Variants in PPP2CA observed in about 807,000 individuals in gnomAD.
PPP2CA encodes the protein serine/threonine-protein phosphatase 2A catalytic subunit alpha isoform.
Under a neutral mutation model 38.8 loss-of-function variants are expected in PPP2CA, and 5 were observed. The ratio of observed to expected loss-of-function variants is 0.13; its 90% CI spans 0.07 to 0.27. The LOEUF is 0.27. PPP2CA is among the 10% of genes least tolerant of loss of function. The pLI is 1.00. For synonymous variants in PPP2CA, 152 were observed against 134.0 expected, an observed-to-expected ratio of 1.13 and a Z score of -0.93; for missense variants, 88 against 389.7, an observed-to-expected ratio of 0.23 and a Z score of 6.52.
At chr5:134,209,686 G>A (rs1226985351) in intron 1 of PPP2CA, among the ~76,000 whole-genome samples, 2 of 152,010 alleles carry the variant, frequency 1.3e-5, no homozygotes, top group Non-Finnish European at 2.9e-5. Context: ...GCTGAGGCAT[G>A]AGAATAGCTT....
intron 1 of PPP2CA, among the ~76,000 whole-genome samples, chr5:134,217,397 T>C (rs1176952707): frequency 1.3e-5 from 2 of 152,218 alleles, no homozygotes; most frequent in African/African-American, 4.8e-5. Context: ...TCTACCAATA[T>C]AAAGACATAG....
chr5:134,200,550 T>G, intron 4 of PPP2CA, 54 bp from the exon 5 acceptor site: 2 of 1,572,650 alleles, frequency 1.3e-6, no homozygotes, highest in South Asian at 2.3e-5. Context: ...GTTAACACAT[T>G]ATTTGAGTAA....
At chr5:134,198,225 CT>C (rs1045906752) in intron 6 of PPP2CA, among the ~76,000 whole-genome samples, 2 of 151,712 alleles carry the variant, frequency 1.3e-5, no homozygotes, top group African/African-American at 4.8e-5. Flanking sequence ...CCCATATCTA[CT>C]AAAAAAATAC....
At chr5:134,201,552 T>C (rs1230309181) in intron 3 of PPP2CA, among the ~76,000 whole-genome samples, 1 of 152,194 alleles carries the variant, frequency 6.6e-6, no homozygotes, top group African/African-American at 2.4e-5. Flanking sequence ...GGCCAATAAT[T>C]AGCTCCTTAC....
chr5:134,209,508 C>G (rs952957717), intron 1 of PPP2CA, among the ~76,000 whole-genome samples: 1 of 152,174 alleles, frequency 6.6e-6, no homozygotes, highest in Non-Finnish European at 1.5e-5. Context: ...TGCAGTGGCT[C>G]ACGCCTGTAA....
intron 1 of PPP2CA, among the ~76,000 whole-genome samples, chr5:134,221,197 C>T (rs1342438255): frequency 1.3e-5 from 2 of 152,118 alleles, no homozygotes; most frequent in Admixed American, 6.5e-5. Flanking sequence ...CTGCAACCTC[C>T]GCCTCCCAGG....
In PPP2CA at chr5:134,225,807, C is replaced by T; in HGVS notation, c.55G>A (p.Glu19Lys). 1.2e-6 allele frequency: 2 copies of T among 1,611,008 alleles called. No individual in the cohort carries two copies. Among genetic ancestry groups the T allele is most frequent in the Middle Eastern group, 1.7e-4 (1 of 6,056 alleles). ...TGGGACTCGGACAGCTGCTTGCACT[C>T]GTTCAGCTGCTCGATCCACTGGTCC... is the stretch of plus-strand genomic sequence containing the variant. ...ELDQWIEQLN[E>K]CKQLSESQVK... Residue 19 changes from glutamate to lysine, a missense_variant, in exon 1 of 7, where the codon GAG (glutamate) becomes AAG (lysine). Physicochemically the swap from Glu to Lys is moderately conservative, Grantham distance 56. This residue lies in a region of PPP2CA where 34 missense variants were observed against 57.1 expected (regional missense o/e 0.60). Coordinates refer to ENST00000481195, the MANE Select transcript of PPP2CA (RefSeq NM_002715.4).
At chr5:134,221,947 A>C (rs1173489722) in intron 1 of PPP2CA, among the ~76,000 whole-genome samples, 1 of 150,766 alleles carries the variant, frequency 6.6e-6, no homozygotes, top group African/African-American at 2.5e-5. Context: ...CAGACTGGGC[A>C]AAAGAGTAAG....
chr5:134,199,439 T>TAAA (rs11372222), intron 5 of PPP2CA: 18 of 250,862 alleles, frequency 7.2e-5, no homozygotes, highest in African/African-American at 1.4e-4. Context: ...TTTAGTACTT[T>TAAA]AAAAAAAAAA....
chr5:134,214,083 C>T (rs1323795435), intron 1 of PPP2CA, among the ~76,000 whole-genome samples: 2 of 152,046 alleles, frequency 1.3e-5, no homozygotes, highest in Non-Finnish European at 2.9e-5. Flanking sequence ...GAGCTGAGAT[C>T]GTGCCACTGC....
chr5:134,206,842 C>T (rs1176196627), intron 1 of PPP2CA, among the ~76,000 whole-genome samples: 2 of 152,162 alleles, frequency 1.3e-5, no homozygotes, highest in Non-Finnish European at 2.9e-5. Context: ...CTGTACCAGC[C>T]CCATGCTAGC....
intron 2 of PPP2CA, 103 bp from the exon 3 acceptor site, chr5:134,202,124 A>G (rs1485953495): frequency 1.5e-5 from 18 of 1,162,732 alleles, no homozygotes; most frequent in African/African-American, 3.2e-5. Context: ...ATTTTGTTGA[A>G]AAAACAGCAC....
intron 2 of PPP2CA, among the ~76,000 whole-genome samples, chr5:134,204,937 ATTT>A (rs5871527): frequency 1.4e-5 from 2 of 138,702 alleles, no homozygotes; most frequent in Non-Finnish European, 1.5e-5. Context: ...CTTCCTCGAT[ATTT>A]TTTTTTTTTT....
chr5:134,216,746 T>C (rs1762328676), intron 1 of PPP2CA, among the ~76,000 whole-genome samples: 1 of 152,034 alleles, frequency 6.6e-6, no homozygotes, highest in Non-Finnish European at 1.5e-5. Context: ...TCGAGTGAGC[T>C]TCCAGCCTCC....
In PPP2CA at chr5:134,200,367, A is replaced by C; in HGVS notation, c.706T>G (p.Leu236Val). 1 of 1,614,160 alleles carries C rather than the reference A, an allele frequency of 6.2e-7. No homozygotes were observed. The highest frequency in any genetic ancestry group is 8.5e-7 in the Non-Finnish European group (1 of 1,180,004). Reference sequence around the variant, plus strand: ...ACTAGCTGGTGAGCTCTAGACACCAACGTGAGGCCATTGGCATGATTAAAT... The same window carrying C: ...ACTAGCTGGTGAGCTCTAGACACCACCGTGAGGCCATTGGCATGATTAAAT... ...ETFNHANGLT[L>V]VSRAHQLVME... The change falls in exon 5 of 7, where the codon TTG becomes GTG. Residue 236 changes from leucine (L) to valine (V), a missense_variant. Coordinates refer to ENST00000481195, the MANE Select transcript of PPP2CA (RefSeq NM_002715.4).
At chr5:134,201,142 T>C (rs753694097) in intron 3 of PPP2CA, 68 bp from the exon 4 acceptor site, 90 of 1,235,146 alleles carry the variant, frequency 7.3e-5, no homozygotes, top group Non-Finnish European at 1.1e-4. Context: ...CTGGGCACAG[T>C]GGCTCATGCC....
intron 1 of PPP2CA, among the ~76,000 whole-genome samples, chr5:134,211,147 G>A (rs1403343566): frequency 2.6e-5 from 4 of 151,482 alleles, no homozygotes; most frequent in African/African-American, 9.7e-5. Flanking sequence ...AGGCTGCAGT[G>A]CGGCACCATC....
chr5:134,218,515 G>A (rs1217639497), intron 1 of PPP2CA, among the ~76,000 whole-genome samples: 2 of 152,078 alleles, frequency 1.3e-5, no homozygotes, highest in Non-Finnish European at 2.9e-5. Flanking sequence ...AGAAAAAGAA[G>A]TTTTAATCTA....
At chr5:134,203,088 TAA>T (rs1318748352) in intron 2 of PPP2CA, among the ~76,000 whole-genome samples, 1 of 152,152 alleles carries the variant, frequency 6.6e-6, no homozygotes, top group African/African-American at 2.4e-5. Context: ...TATTGAGCTG[TAA>T]AAGTTTTTTT....
Sources: allele counts gnomAD v4.1 joint callset (sites outside exome capture counted in the v4.1 genomes callset), GRCh38; gene constraint gnomAD v4.1.1; regional missense constraint gnomAD v4.1.1; transcripts MANE v1.5; gene names NCBI Gene and HGNC (gene_info 2026-07-23, HGNC 2026-07-21).